Variants in GDA observed in about 807,000 individuals in gnomAD.
The protein encoded by GDA is cytoplasmic PSD-95 interactor.
In GDA, 18 loss-of-function variants were observed where a neutral mutation model predicts 59.6. The ratio of observed to expected loss-of-function variants is 0.30; its 90% confidence interval spans 0.21 to 0.45. The LOEUF (loss-of-function observed/expected upper bound fraction) is 0.45. GDA is among the 20% of genes least tolerant of loss of function. The probability of loss-of-function intolerance (pLI) is 1.00; values close to 1 mark genes in which losing one functional copy is unlikely to be tolerated. For synonymous variants in GDA, 201 were observed against 201.1 expected (o/e 1.00, Z 0.00); for missense variants, 427 against 552.3 (o/e 0.77, Z 2.27).
chr9:72,153,328 A>G (rs1444736231), intron 1 of GDA, among the ~76,000 whole-genome samples: 1 of 152,106 alleles, frequency 6.6e-6, no homozygotes, highest in East Asian at 1.9e-4. Flanking sequence ...TTCTGTGAAG[A>G]AAGTCATTGG....
intron 1 of GDA, among the ~76,000 whole-genome samples, chr9:72,127,922 C>G (rs1203308520): frequency 6.6e-6 from 1 of 152,112 alleles, no homozygotes; most frequent in African/African-American, 2.4e-5. Flanking sequence ...ATCTGTTTAT[C>G]TTTTACTTTT....
chr9:72,115,905 T>C (rs556075621), intron 1 of GDA, among the ~76,000 whole-genome samples: 1 of 152,336 alleles, frequency 6.6e-6, no homozygotes, highest in African/African-American at 2.4e-5. Context: ...TATTTTCATA[T>C]GCCAAGGTTT....
intron 10 of GDA, among the ~76,000 whole-genome samples, chr9:72,233,592 G>A (rs927619370): frequency 6.6e-6 from 1 of 152,148 alleles, no homozygotes; most frequent in Admixed American, 6.5e-5. Context: ...ATATGACCCA[G>A]CAATTTTACT....
intron 1 of GDA, among the ~76,000 whole-genome samples, chr9:72,179,850 A>G (rs1279283332): frequency 2.0e-5 from 3 of 152,052 alleles, no homozygotes; most frequent in Non-Finnish European, 4.4e-5. Context: ...TTCTTTCTAT[A>G]TGTGTTCCTG....
intron 10 of GDA, among the ~76,000 whole-genome samples, chr9:72,239,887 A>C (rs766576839): frequency 3.3e-5 from 5 of 152,188 alleles, no homozygotes; most frequent in Admixed American, 6.5e-5. Flanking sequence ...ATTGAGCTAC[A>C]ATCTAGAATT....
At chr9:72,148,342 TG>T (rs1208468920), upstream of GDA, among the ~76,000 whole-genome samples, 39 of 151,256 alleles carry the variant, frequency 2.6e-4, no homozygotes, top group African/African-American at 9.0e-4. Context: ...TGTGTGTGTG[TG>T]TGTGTGTGTA....
chr9:72,231,980 T>G (rs1239462451), intron 10 of GDA, among the ~76,000 whole-genome samples: 1 of 152,258 alleles, frequency 6.6e-6, no homozygotes, highest in Admixed American at 6.5e-5. Flanking sequence ...AGGGATGTTC[T>G]AAGTGCATAT....
intron 1 of GDA, among the ~76,000 whole-genome samples, chr9:72,160,095 C>T (rs1032511135): frequency 7.2e-5 from 11 of 151,946 alleles, no homozygotes; most frequent in African/African-American, 2.4e-4. Context: ...GTCAGGAGAT[C>T]GAGACCATCC....
intron 4 of GDA, 80 bp downstream of exon 4, chr9:72,210,854 T>C: frequency 1.2e-6 from 1 of 868,048 alleles, no homozygotes; most frequent in Non-Finnish European, 2.0e-6. Flanking sequence ...ATATGTACTT[T>C]TGGGCAGACC....
In GDA at chr9:72,180,442, CTG is replaced by C. The variant is rs772587578; in HGVS notation, c.124-15054_124-15053del. Among the ~76,000 whole-genome samples the C allele has an allele frequency of 8.0e-4, 122 of 152,130 alleles. 1 individual carries two copies. Among genetic ancestry groups the C allele is most frequent in the Non-Finnish European group, 7.5e-4 (51 of 68,018 alleles). On this transcript the variant is annotated intron_variant, in intron 1 of 13. Coordinates refer to ENST00000358399, the MANE Select transcript of GDA (RefSeq NM_004293.5). Reference sequence around the variant, plus strand: ...TGTGCCTGCATTTTTAAATCAATGTCTGTGTATCTGATACAGTCTATTGAGAT... The same window carrying C: ...TGTGCCTGCATTTTTAAATCAATGTCTGTATCTGATACAGTCTATTGAGAT...
chr9:72,192,835 G>C (rs1352955727), intron 1 of GDA, among the ~76,000 whole-genome samples: 1 of 151,864 alleles, frequency 6.6e-6, no homozygotes. Context: ...AGCCGAGATG[G>C]TGCCACTGCA....
chr9:72,203,112 A>G (rs558184832), intron 3 of GDA, among the ~76,000 whole-genome samples: 13 of 152,338 alleles, frequency 8.5e-5, no homozygotes, highest in African/African-American at 2.6e-4. Flanking sequence ...TTGCAAAGTT[A>G]TGTGACTCAC....
At chr9:72,116,732 A>G (rs1178576567) in intron 1 of GDA, among the ~76,000 whole-genome samples, 1 of 152,038 alleles carries the variant, frequency 6.6e-6, no homozygotes. Context: ...CAGAACCCTT[A>G]TCTTATATAG....
Position 72,240,200 on chromosome 9 carries a change from A to G in GDA, c.989-952A>G, listed in dbSNP as rs138086433. On this transcript the variant is annotated intron_variant, in intron 10 of 13. Transcript: ENST00000358399. ...TGCCTACCAAAATATAGAGCTGTCT[A>G]CATTAGCACTGCTCATTTATTACAC... 9.5e-4 allele frequency among the ~76,000 whole-genome samples: 145 copies of G among 152,342 alleles called. 1 individual carries two copies. The highest frequency in any genetic ancestry group is 3.3e-3 in the African/African-American group (138 of 41,588).
Position 72,248,966 on chromosome 9 carries a change from T to C in GDA, c.*624T>C, listed in dbSNP as rs1223613714. On this transcript the variant is annotated 3_prime_UTR_variant, in exon 14 of 14. Transcript: ENST00000358399. ...TGTGTTAGTGTTGTGCTTTGCCTTC[T>C]TTGGCGATGAATGTCAGAAATTGAA... The C allele has an allele frequency of 3.0e-6, 3 of 984,374 alleles. No homozygotes were observed. In the African/African-American group the frequency reaches 5.3e-5, roughly 17 times the overall value. The allele number at this position is 984,374 out of a possible 1,614,324, so 61.0% of individuals were successfully genotyped here.
intron 1 of GDA, among the ~76,000 whole-genome samples, chr9:72,166,138 T>C (rs1161323818): frequency 6.6e-6 from 1 of 152,118 alleles, no homozygotes; most frequent in Non-Finnish European, 1.5e-5. Flanking sequence ...GTCCTGACAA[T>C]CAAGTGGGAA....
chr9:72,225,530 C>T (rs2131600892), intron 7 of GDA, 147 bp from the exon 8 acceptor site: 3 of 569,630 alleles, frequency 5.3e-6, no homozygotes, highest in Non-Finnish European at 6.4e-6. Flanking sequence ...TTGTTTCTAA[C>T]AAAATGCATG....
intron 5 of GDA, among the ~76,000 whole-genome samples, chr9:72,215,608 A>G (rs1490328962): frequency 2.0e-5 from 3 of 152,272 alleles, no homozygotes; most frequent in Admixed American, 6.5e-5. Context: ...TTGGTTCTAC[A>G]TCTGTGCTCC....
chr9:72,258,811 A>G (rs975469100), downstream of GDA, among the ~76,000 whole-genome samples: 1 of 152,154 alleles, frequency 6.6e-6, no homozygotes, highest in Admixed American at 6.5e-5. Flanking sequence ...AGCCTCACCC[A>G]TGGGTGTGGA....
Sources: gnomAD v4.1 joint callset for allele counts (sites outside exome capture counted in the v4.1 genomes callset) on GRCh38, gnomAD v4.1.1 for gene constraint, MANE v1.5 for transcripts, NCBI Gene and HGNC (gene_info 2026-07-23, HGNC 2026-07-21) for gene names.